Variants in SEPTIN14 observed in about 807,000 individuals in gnomAD.
The protein encoded by SEPTIN14 is septin 14, also known as septin-14.
SEPTIN14 carries 40 observed loss-of-function variants against 53.6 expected under a neutral mutation model. The observed-to-expected ratio is 0.75, with a 90% confidence interval of 0.58 to 0.97. The LOEUF (loss-of-function observed/expected upper bound fraction) is 0.97, where lower values mean the gene tolerates loss of function less well. Among genes scored for constraint, SEPTIN14 ranks in the 50% least tolerant of loss-of-function variants. SEPTIN14 has a pLI of 0.00. For synonymous variants in SEPTIN14, 138 were observed against 166.8 expected (o/e 0.83, Z 1.33); for missense variants, 471 against 508.2 (o/e 0.93, Z 0.70).
intron 7 of SEPTIN14, among the ~76,000 whole-genome samples, chr7:55,816,390 G>A (rs992082097): frequency 1.3e-5 from 2 of 152,162 alleles, no homozygotes; most frequent in Admixed American, 6.5e-5. Context: ...ATAAATGCTT[G>A]AGTTGATGGG....
chr7:55,811,444 G>T, intron 7 of SEPTIN14: 1 of 363,438 alleles, frequency 2.8e-6, no homozygotes, highest in South Asian at 2.5e-5. Flanking sequence ...GAGCGATGGA[G>T]ATGGGGAAGG....
At chr7:55,828,700 G>A (rs1789035079) in intron 6 of SEPTIN14, among the ~76,000 whole-genome samples, 2 of 152,086 alleles carry the variant, frequency 1.3e-5, no homozygotes, top group South Asian at 2.1e-4. Context: ...CTGAGAAGTC[G>A]GCTGTTAGTC....
intron 6 of SEPTIN14, 135 bp downstream of exon 6, chr7:55,834,290 C>A: frequency 1.7e-6 from 1 of 578,640 alleles, no homozygotes; most frequent in Non-Finnish European, 2.8e-6. Context: ...TGAATTAAAT[C>A]TAAATAAATC....
At position 55,808,844 on chromosome 7, in the gene SEPTIN14, G is replaced by A. The variant is rs77433511; in HGVS notation, c.818-1586C>T. Among the ~76,000 whole-genome samples, 721 of 152,106 alleles carry A rather than the reference G, an allele frequency of 4.7e-3. 6 individuals are homozygous for A. Among genetic ancestry groups the A allele is most frequent in the African/African-American group, 0.016 (684 of 41,472 alleles). Reference sequence around the variant, plus strand: ...TGGGATTACAGGCATGAGCCACCACGCTCGGCCTGACAATTTCTTAAAGAA... The same window carrying A: ...TGGGATTACAGGCATGAGCCACCACACTCGGCCTGACAATTTCTTAAAGAA... On this transcript the variant is annotated intron_variant, in intron 7 of 9. Transcript: ENST00000388975.
At chr7:55,849,662 C>T (rs966221155) in intron 2 of SEPTIN14, among the ~76,000 whole-genome samples, 1 of 152,042 alleles carries the variant, frequency 6.6e-6, no homozygotes, top group African/African-American at 2.4e-5. Flanking sequence ...AGGAGAATCA[C>T]TTGAACCTGG....
At chr7:55,804,361 C>T (rs1204588169) in intron 9 of SEPTIN14, among the ~76,000 whole-genome samples, 6 of 150,824 alleles carry the variant, frequency 4.0e-5, no homozygotes, top group East Asian at 2.0e-4. Flanking sequence ...TGGGTTCAAG[C>T]GATTCTCCTA....
chr7:55,830,349 A>ATATATATATATTTTTT (rs71015108), intron 6 of SEPTIN14, among the ~76,000 whole-genome samples: 1 of 56,848 alleles, frequency 1.8e-5, no homozygotes, highest in Non-Finnish European at 2.8e-5. Flanking sequence ...ATATATATAT[A>ATATATATATATTTTTT]TTTTTTTTTT....
chr7:55,805,647 AATGGAAATTTCCATATCATAAG>A (rs1388739015), intron 8 of SEPTIN14, among the ~76,000 whole-genome samples: 2 of 152,312 alleles, frequency 1.3e-5, no homozygotes, highest in African/African-American at 4.8e-5. Flanking sequence ...AGCAGCACAA[AATGGAAATTTCCATATCATAAG>A]ATGTAAAAAC....
chr7:55,818,988 T>A, intron 7 of SEPTIN14, 139 bp downstream of exon 7: 2 of 609,382 alleles, frequency 3.3e-6, no homozygotes, highest in Non-Finnish European at 5.8e-6. Context: ...AGAGTTTGTG[T>A]TCCCCATTAG....
chr7:55,831,373 G>A (rs1469600126), intron 6 of SEPTIN14, among the ~76,000 whole-genome samples: 1 of 152,142 alleles, frequency 6.6e-6, no homozygotes, highest in African/African-American at 2.4e-5. Context: ...AAACAGTGGG[G>A]AAAGAGCATT....
At chr7:55,819,937 A>G (rs1584257856) in intron 6 of SEPTIN14, among the ~76,000 whole-genome samples, 1 of 152,222 alleles carries the variant, frequency 6.6e-6, no homozygotes, top group East Asian at 1.9e-4. Context: ...TACAACTATT[A>G]TAATAATTAA....
chr7:55,811,079 T>C (rs1788697165), intron 7 of SEPTIN14: 2 of 464,068 alleles, frequency 4.3e-6, no homozygotes, highest in East Asian at 5.1e-5. Flanking sequence ...GTATCACCTT[T>C]CGTGTTTCAG....
At chr7:55,839,923 T>C (rs1442702860) in intron 5 of SEPTIN14, among the ~76,000 whole-genome samples, 1 of 151,734 alleles carries the variant, frequency 6.6e-6, no homozygotes, top group African/African-American at 2.4e-5. Flanking sequence ...GGTGGGCAGA[T>C]CACCTGAGAT....
At chr7:55,813,379 G>A (rs1788738551) in intron 7 of SEPTIN14, among the ~76,000 whole-genome samples, 1 of 152,164 alleles carries the variant, frequency 6.6e-6, no homozygotes, top group African/African-American at 2.4e-5. Context: ...AAATCTGAAA[G>A]GCAATCAGGC....
chr7:55,830,343 ATATATATTT>A (rs1195803721), intron 6 of SEPTIN14, among the ~76,000 whole-genome samples: 18 of 26,174 alleles, frequency 6.9e-4, no homozygotes, highest in East Asian at 3.9e-3. Flanking sequence ...ATATATATAT[ATATATATTT>A]TTTTTTTTTT....
chr7:55,823,404 C>G (rs116223387), intron 6 of SEPTIN14, among the ~76,000 whole-genome samples: 2 of 152,154 alleles, frequency 1.3e-5, no homozygotes, highest in African/African-American at 2.4e-5. Context: ...GCTGTTCCAT[C>G]ACTCAATAAA....
intron 2 of SEPTIN14, among the ~76,000 whole-genome samples, chr7:55,853,894 C>T (rs1223241142): frequency 6.6e-6 from 1 of 151,998 alleles, no homozygotes; most frequent in Admixed American, 6.6e-5. Flanking sequence ...GCTGGAAGAT[C>T]GCGTGAGCTC....
At chr7:55,798,486 C>G in intron 9 of SEPTIN14, 1 of 295,742 alleles carries the variant, frequency 3.4e-6, no homozygotes, top group Non-Finnish European at 6.6e-6. Context: ...GTCATGTCTC[C>G]TGACACCCAG....
intron 2 of SEPTIN14, among the ~76,000 whole-genome samples, chr7:55,853,850 C>T (rs1413636511): frequency 1.3e-5 from 2 of 152,124 alleles, no homozygotes; most frequent in Non-Finnish European, 2.9e-5. Flanking sequence ...CGTGGTGGCT[C>T]ATGCCTGTAA....
Sources: allele counts gnomAD v4.1 joint callset (sites outside exome capture counted in the v4.1 genomes callset), GRCh38; gene constraint gnomAD v4.1.1; transcripts MANE v1.5; gene names NCBI Gene and HGNC (gene_info 2026-07-23, HGNC 2026-07-21).